The following NTN1 variants were observed in gnomAD, a reference collection of about 807,000 sequenced individuals.
NTN1 encodes the protein netrin-1.
Under a neutral mutation model 54.2 loss-of-function variants are expected in NTN1, and 11 were observed. That is an observed-to-expected ratio of 0.20 (90% confidence interval 0.13 to 0.34). NTN1 has a LOEUF of 0.34. Among genes scored for constraint, NTN1 ranks in the 10% least tolerant of loss-of-function variants. The pLI is 1.00. For missense variants in NTN1, 740 were observed against 893.1 expected (o/e 0.83, Z 2.18); for synonymous variants, 371 against 382.0 (o/e 0.97, Z 0.33).
chr17:9,116,309 C>T (rs549470289), intron 2 of NTN1, among the ~76,000 whole-genome samples: 1 of 151,158 alleles, frequency 6.6e-6, no homozygotes, highest in East Asian at 2.0e-4. Context: ...GCCACCCACC[C>T]ACCCACCCAC....
intron 6 of NTN1, among the ~76,000 whole-genome samples, chr17:9,234,323 C>T (rs1905908658): frequency 6.6e-6 from 1 of 152,210 alleles, no homozygotes; most frequent in African/African-American, 2.4e-5. Flanking sequence ...CAGCCTTGTT[C>T]ACCGAGCTCT....
At chr17:9,057,651 T>C (rs934820148) in intron 2 of NTN1, among the ~76,000 whole-genome samples, 15 of 152,304 alleles carry the variant, frequency 9.8e-5, no homozygotes, top group East Asian at 1.9e-4. Context: ...TTACAAAACA[T>C]CTCCTTTAAA....
At chr17:9,005,127 G>A in the NTN1 span, among the ~76,000 whole-genome samples, 1 of 151,976 alleles carries the variant, frequency 6.6e-6, no homozygotes, top group Non-Finnish European at 1.5e-5. Flanking sequence ...ATCTCTCCAC[G>A]TCTTCACCAA....
chr17:9,213,385 CAGAGGCTCCCCTG>C (rs1457270585), intron 5 of NTN1, among the ~76,000 whole-genome samples: 1 of 152,230 alleles, frequency 6.6e-6, no homozygotes, highest in African/African-American at 2.4e-5. Context: ...ATCCTAGCTC[CAGAGGCTCCCCTG>C]AGAGAGCAGG....
intron 3 of NTN1, among the ~76,000 whole-genome samples, chr17:9,163,464 C>T (rs1249770919): frequency 1.9e-5 from 2 of 106,446 alleles, no homozygotes; most frequent in African/African-American, 7.3e-5. Context: ...CACCGCCCCT[C>T]ACTCCCCCCC....
intron 2 of NTN1, among the ~76,000 whole-genome samples, chr17:9,113,019 A>ATTTTTTTTTTTTTTTTTT (rs398058563): frequency 7.0e-6 from 1 of 141,938 alleles, no homozygotes. Flanking sequence ...TGTATACAGA[A>ATTTTTTTTTTTTTTTTTT]TTTTTTTTAT....
chr17:9,129,187 G>A (rs574249991), intron 2 of NTN1, among the ~76,000 whole-genome samples: 12 of 152,286 alleles, frequency 7.9e-5, no homozygotes, highest in East Asian at 5.8e-4. Context: ...TCAAGCCAGC[G>A]TGGGACTGGG....
At chr17:9,133,927 CAG>C (rs1484240781) in intron 2 of NTN1, among the ~76,000 whole-genome samples, 1 of 84,036 alleles carries the variant, frequency 1.2e-5, no homozygotes, top group African/African-American at 5.0e-5. Flanking sequence ...TTTTTTGAGA[CAG>C]AGTCTCACTC....
At chr17:9,084,099 A>C (rs2092082389) in intron 2 of NTN1, among the ~76,000 whole-genome samples, 1 of 152,154 alleles carries the variant, frequency 6.6e-6, no homozygotes, top group Non-Finnish European at 1.5e-5. Flanking sequence ...AAAAGGATAC[A>C]GTTTGTAGAA....
chr17:9,094,398 A>G (rs2092123205), intron 2 of NTN1, among the ~76,000 whole-genome samples: 1 of 152,076 alleles, frequency 6.6e-6, no homozygotes, highest in South Asian at 2.1e-4. Context: ...ACATTTGGTG[A>G]GTCAGAGGGT....
At chr17:9,027,057 T>C (rs1007895039) in intron 2 of NTN1, among the ~76,000 whole-genome samples, 14 of 152,160 alleles carry the variant, frequency 9.2e-5, no homozygotes, top group African/African-American at 3.4e-4. Context: ...TCAATAGCTC[T>C]GGTGCTTGGG....
chr17:9,043,763 A>G (rs2091931181), intron 2 of NTN1, among the ~76,000 whole-genome samples: 1 of 151,940 alleles, frequency 6.6e-6, no homozygotes, highest in South Asian at 2.1e-4. Context: ...TGTTTTTAGT[A>G]GAGACGGGGT....
At chr17:9,191,782 C>T (rs1904464398) in intron 5 of NTN1, among the ~76,000 whole-genome samples, 1 of 148,542 alleles carries the variant, frequency 6.7e-6, no homozygotes, top group Non-Finnish European at 1.5e-5. Flanking sequence ...GATCCCAGCA[C>T]TTTGGGAGGC....
intron 2 of NTN1, among the ~76,000 whole-genome samples, chr17:9,126,861 T>C (rs866668320): frequency 6.6e-6 from 1 of 151,952 alleles, no homozygotes; most frequent in African/African-American, 2.4e-5. Flanking sequence ...GACTTGGCAA[T>C]GGGGAACCAG....
the NTN1 span, among the ~76,000 whole-genome samples, chr17:9,012,444 G>A: frequency 6.6e-6 from 1 of 151,932 alleles, no homozygotes; most frequent in African/African-American, 2.4e-5. Context: ...CCGGGAGGCG[G>A]AGGTTGCAGT....
intron 2 of NTN1, among the ~76,000 whole-genome samples, chr17:9,097,910 T>C (rs965716643): frequency 6.6e-6 from 1 of 151,940 alleles, no homozygotes; most frequent in African/African-American, 2.4e-5. Flanking sequence ...AATATAAGTC[T>C]TTGTTCTCCT....
intron 6 of NTN1, among the ~76,000 whole-genome samples, chr17:9,225,738 G>C (rs1372782723): frequency 6.6e-6 from 1 of 152,200 alleles, no homozygotes; most frequent in African/African-American, 2.4e-5. Flanking sequence ...GGGCCGGGCA[G>C]GGGCTCCCTC....
intron 5 of NTN1, among the ~76,000 whole-genome samples, chr17:9,218,026 A>G (rs1471688560): frequency 6.6e-6 from 1 of 152,136 alleles, no homozygotes; most frequent in African/African-American, 2.4e-5. Flanking sequence ...TGTGCAAATC[A>G]TGGGTGTGGA....
intron 2 of NTN1, among the ~76,000 whole-genome samples, chr17:9,082,489 T>C (rs1188776856): frequency 6.6e-6 from 1 of 152,218 alleles, no homozygotes; most frequent in Admixed American, 6.5e-5. Context: ...TGAGTTTTCA[T>C]AGAAACAACC....
Sources: gnomAD v4.1 joint callset for allele counts (sites outside exome capture counted in the v4.1 genomes callset) on GRCh38, gnomAD v4.1.1 for gene constraint, MANE v1.5 for transcripts, NCBI Gene and HGNC (gene_info 2026-07-23, HGNC 2026-07-21) for gene names.